Variants in DNAJB14 observed in about 807,000 individuals in gnomAD.
DNAJB14 encodes dnaJ homolog subfamily B member 14.
DNAJB14 carries 22 observed loss-of-function variants against 48.4 expected under a neutral mutation model. The ratio of observed to expected loss-of-function variants is 0.45; its 90% CI spans 0.32 to 0.65. The LOEUF is 0.65. Among genes scored for constraint, DNAJB14 ranks in the 30% least tolerant of loss-of-function variants. The pLI is 0.03. For missense variants in DNAJB14, 319 were observed against 458.8 expected (o/e 0.70, Z 2.78); for synonymous variants, 142 against 158.7 (o/e 0.89, Z 0.79).
At chr4:99,916,438 T>C (rs10019138) in intron 3 of DNAJB14, among the ~76,000 whole-genome samples, 1 of 152,220 alleles carries the variant, frequency 6.6e-6, no homozygotes, top group Non-Finnish European at 1.5e-5. Flanking sequence ...CTTCACCTAG[T>C]GAAAACATGC....
intron 2 of DNAJB14, 56 bp from the exon 3 acceptor site, chr4:99,923,241 A>T: frequency 6.8e-7 from 1 of 1,461,224 alleles, no homozygotes; most frequent in Non-Finnish European, 9.3e-7. Context: ...GTCATGTAAT[A>T]TCTCTAATTT....
At chr4:99,930,288 C>G in intron 2 of DNAJB14, 162 bp downstream of exon 2, 1 of 561,230 alleles carries the variant, frequency 1.8e-6, no homozygotes, top group Non-Finnish European at 2.8e-6. Context: ...TGGTACTTTA[C>G]AGACCAGTTT....
At chr4:99,911,134 A>G (rs1391218212) in intron 3 of DNAJB14, among the ~76,000 whole-genome samples, 1 of 152,126 alleles carries the variant, frequency 6.6e-6, no homozygotes, top group Non-Finnish European at 1.5e-5. Flanking sequence ...TATAAATGGG[A>G]TATTATATGA....
At chr4:99,935,237 G>A (rs1460524832) in intron 1 of DNAJB14, among the ~76,000 whole-genome samples, 1 of 152,082 alleles carries the variant, frequency 6.6e-6, no homozygotes, top group African/African-American at 2.4e-5. Flanking sequence ...GGCAAAAAGA[G>A]CAAATGACTT....
At chr4:99,910,266 A>C (rs939085186) in intron 3 of DNAJB14, 5 of 152,012 alleles carry the variant, frequency 3.3e-5, no homozygotes, top group East Asian at 1.9e-4. Flanking sequence ...ATTCTCAAAG[A>C]ATCTGTGACT....
intron 2 of DNAJB14, chr4:99,924,637 G>T: frequency 8.0e-7 from 1 of 1,249,464 alleles, no homozygotes; most frequent in South Asian, 1.4e-5. Context: ...CTAGGCATTT[G>T]ACATATATCT....
At chr4:99,930,196 G>A (rs1726411926) in intron 2 of DNAJB14, 1 of 290,332 alleles carries the variant, frequency 3.4e-6, no homozygotes, top group East Asian at 5.9e-5. Flanking sequence ...TGAAAAAGCT[G>A]CAATAATTTT....
chr4:99,921,032 T>C (rs572215536), intron 3 of DNAJB14, among the ~76,000 whole-genome samples: 9 of 152,296 alleles, frequency 5.9e-5, no homozygotes, highest in African/African-American at 1.4e-4. Flanking sequence ...GTGTGCTAAA[T>C]GAATGAAACC....
At chr4:99,924,059 A>G (rs1302344414) in intron 2 of DNAJB14, among the ~76,000 whole-genome samples, 4 of 152,184 alleles carry the variant, frequency 2.6e-5, no homozygotes, top group Non-Finnish European at 4.4e-5. Flanking sequence ...AATACTCTGA[A>G]TGGAACAGAG....
chr4:99,917,477 G>A (rs1725897843), intron 3 of DNAJB14, among the ~76,000 whole-genome samples: 1 of 152,230 alleles, frequency 6.6e-6, no homozygotes, highest in South Asian at 2.1e-4. Flanking sequence ...GGTAGAATCC[G>A]ACCTCCCAAA....
intron 5 of DNAJB14, among the ~76,000 whole-genome samples, 158 bp from the exon 6 acceptor site, chr4:99,905,864 A>G (rs1725446351): frequency 6.6e-6 from 1 of 152,172 alleles, no homozygotes; most frequent in Non-Finnish European, 1.5e-5. Context: ...ATTCTTAAAT[A>G]TAATTATCCA....
chr4:99,907,813 T>C (rs974991151), intron 4 of DNAJB14, among the ~76,000 whole-genome samples: 1 of 152,176 alleles, frequency 6.6e-6, no homozygotes, highest in African/African-American at 2.4e-5. Context: ...CTGAAGTAAA[T>C]TTTGTAAACA....
At chr4:99,910,371 C>A (rs1725616318) in intron 3 of DNAJB14, 1 of 151,934 alleles carries the variant, frequency 6.6e-6, no homozygotes, top group African/African-American at 2.4e-5. Context: ...GGTATTAACT[C>A]ATACCTAAAA....
At chr4:99,912,541 G>A (rs775458310) in intron 3 of DNAJB14, among the ~76,000 whole-genome samples, 3 of 151,816 alleles carry the variant, frequency 2.0e-5, no homozygotes, top group South Asian at 2.1e-4. Flanking sequence ...GCGCAACGGC[G>A]CGATCTCGGC....
chr4:99,901,393 C>T (rs141425949), intron 7 of DNAJB14, among the ~76,000 whole-genome samples: 1 of 152,166 alleles, frequency 6.6e-6, no homozygotes, highest in East Asian at 1.9e-4. Flanking sequence ...TGTCAACTCA[C>T]GTTGGAATCC....
rs1229272044 is a variant in DNAJB14 at position 99,897,082 on chromosome 4, T to TGTG, written c.*3945_*3946insCAC. On this transcript the variant is annotated 3_prime_UTR_variant, in exon 8 of 8. Coordinates refer to ENST00000442697, the MANE Select transcript of DNAJB14 (RefSeq NM_001031723.4). ...CACCAATGAAATTGTGTTGACTGAT[T>TGTG]TTCAAAGTCAGACATAAAAATATCC... 1 of 151,900 alleles carries TGTG rather than the reference T, an allele frequency of 6.6e-6. No individual in the cohort carries two copies. Among genetic ancestry groups the TGTG allele is most frequent in the Non-Finnish European group, 1.5e-5 (1 of 67,900 alleles). The allele number at this position is 151,900 out of a possible 1,614,324, so 9.4% of individuals were successfully genotyped here.
At position 99,903,706 on chromosome 4, in the gene DNAJB14, T is replaced by G. The variant is rs374557022; in HGVS notation, c.1015+20A>C. The G allele has an allele frequency of 1.1e-5, 18 of 1,597,904 alleles. No individual in the cohort carries two copies. Among genetic ancestry groups the G allele is most frequent in the Middle Eastern group, 2.2e-4 (1 of 4,486 alleles). ...AGACTGCGAATAAGTTTTAAAATGT[T>G]AAACACATGACAAACTTACTTTGTT... is the stretch of plus-strand genomic sequence containing the variant. On this transcript the variant is annotated intron_variant, in intron 7 of 7. Coordinates refer to ENST00000442697, the MANE Select transcript of DNAJB14 (RefSeq NM_001031723.4).
At position 99,900,935 on chromosome 4, in the gene DNAJB14, A is replaced by G. The variant is rs1015096020; in HGVS notation, c.*93T>C. ...CCAACTATTCAGTTTAGTTTTCAGT[A>G]TCAAATCTTTTCCTTCATCCCTCAT... On this transcript the variant is annotated 3_prime_UTR_variant, in exon 8 of 8. Coordinates refer to ENST00000442697, the MANE Select transcript of DNAJB14 (RefSeq NM_001031723.4). 3 of 1,385,456 alleles carry G rather than the reference A, an allele frequency of 2.2e-6. No individual in the cohort carries two copies. The highest frequency in any genetic ancestry group is 2.9e-6 in the Non-Finnish European group (3 of 1,031,444). The allele number at this position is 1,385,456 out of a possible 1,614,324, so 85.8% of individuals were successfully genotyped here.
chr4:99,935,229 C>CA (rs1264750848), intron 1 of DNAJB14, among the ~76,000 whole-genome samples: 1 of 152,000 alleles, frequency 6.6e-6, no homozygotes, highest in Non-Finnish European at 1.5e-5. Context: ...AATATCTAGG[C>CA]AAAAAGAGCA....
Sources: gnomAD v4.1 joint callset for allele counts (sites outside exome capture counted in the v4.1 genomes callset) on GRCh38, gnomAD v4.1.1 for gene constraint, MANE v1.5 for transcripts, NCBI Gene and HGNC (gene_info 2026-07-23, HGNC 2026-07-21) for gene names.